PRR5L: variants seen among roughly 807,000 people sequenced by gnomAD.
PRR5L encodes proline rich 5 like, also known as proline-rich protein 5-like.
Under a neutral mutation model 36.4 loss-of-function variants are expected in PRR5L, and 21 were observed. The ratio of observed to expected loss-of-function variants is 0.58; its 90% CI spans 0.41 to 0.83. The LOEUF is 0.83. Among genes scored for constraint, PRR5L ranks in the 40% least tolerant of loss-of-function variants. The pLI, the probability that PRR5L is intolerant of heterozygous loss-of-function variation, is 0.00. For missense variants in PRR5L, 381 were observed against 473.3 expected (o/e 0.80, Z 1.81); for synonymous variants, 188 against 197.0 (o/e 0.95, Z 0.38).
At chr11:36,334,854 T>G (rs534231763) in intron 1 of PRR5L, among the ~76,000 whole-genome samples, 1 of 152,362 alleles carries the variant, frequency 6.6e-6, no homozygotes, top group African/African-American at 2.4e-5. Context: ...GAATCCATTA[T>G]ATATAATTCA....
At chr11:36,436,787 C>G (rs1858614594) in intron 5 of PRR5L, among the ~76,000 whole-genome samples, 1 of 152,162 alleles carries the variant, frequency 6.6e-6, no homozygotes, top group African/African-American at 2.4e-5. Context: ...AGTTAGTTGG[C>G]CTCTCTGAGC....
At chr11:36,442,330 G>T (rs1424905880) in intron 6 of PRR5L, among the ~76,000 whole-genome samples, 1 of 145,046 alleles carries the variant, frequency 6.9e-6, no homozygotes, top group Non-Finnish European at 1.5e-5. Context: ...CATCTTGAAT[G>T]CTTTGTTTCT....
intron 1 of PRR5L, among the ~76,000 whole-genome samples, chr11:36,313,406 C>G (rs1856523696): frequency 6.6e-6 from 1 of 152,142 alleles, no homozygotes; most frequent in African/African-American, 2.4e-5. Flanking sequence ...ATTCGGGGCT[C>G]AAAGAGTTAT....
chr11:36,345,509 GA>G (rs564892291), intron 1 of PRR5L, among the ~76,000 whole-genome samples: 3 of 150,250 alleles, frequency 2.0e-5, no homozygotes, highest in Non-Finnish European at 3.0e-5. Flanking sequence ...AATTCATGCA[GA>G]AAAAAAAACA....
chr11:36,412,042 T>C (rs997615628), intron 3 of PRR5L, among the ~76,000 whole-genome samples: 2 of 152,146 alleles, frequency 1.3e-5, no homozygotes, highest in Non-Finnish European at 2.9e-5. Context: ...AGTAATCCTG[T>C]GAAGTAGGTA....
chr11:36,352,433 G>A (rs1305483082), intron 1 of PRR5L, among the ~76,000 whole-genome samples: 1 of 152,094 alleles, frequency 6.6e-6, no homozygotes, highest in East Asian at 1.9e-4. Flanking sequence ...CTATGCAGAA[G>A]CTTTTTAGTT....
intron 1 of PRR5L, among the ~76,000 whole-genome samples, chr11:36,389,078 G>A (rs1284747248): frequency 2.0e-5 from 3 of 152,156 alleles, no homozygotes; most frequent in Non-Finnish European, 4.4e-5. Context: ...GTTCCCTGTT[G>A]GTGAGCACTT....
At position 36,401,194 on chromosome 11, in the gene PRR5L, C is replaced by T. The variant is rs762202439; in HGVS notation, c.73C>T (p.Arg25Cys). The T allele has an allele frequency of 1.9e-6, 3 of 1,614,120 alleles. No individual in the cohort carries two copies. Among genetic ancestry groups the T allele is most frequent in the Non-Finnish European group, 2.5e-6 (3 of 1,180,018 alleles). ...KMGSFRRPRP[R>C]FMSSPVLSDL... ...GGGCTCCTTCCGCAGGCCTAGACCG[C>T]GCTTCATGAGCTCCCCCGTGCTCAG... is the stretch of plus-strand genomic sequence containing the variant. The change falls in exon 2 of 9, where the codon CGC becomes TGC. Residue 25 changes from arginine (R) to cysteine (C), a missense_variant. Physicochemically the swap from Arg to Cys is radical, Grantham distance 180. Transcript: ENST00000530639.
chr11:36,335,465 G>T (rs529669256), intron 1 of PRR5L, among the ~76,000 whole-genome samples: 6 of 152,238 alleles, frequency 3.9e-5, no homozygotes, highest in African/African-American at 1.4e-4. Flanking sequence ...TTGTGGAAAT[G>T]AAAGTTACTG....
rs374128436 is a variant in PRR5L at position 36,319,760 on chromosome 11, T to C, written c.-126+23322T>C. ...CAACTGAAAAAGGCCTTAAGTGTTA[T>C]AGGTTCTTAGGTTGTGGACAATGGA... On this transcript the variant is annotated intron_variant, in intron 1 of 8. Coordinates refer to ENST00000530639, the MANE Select transcript of PRR5L (RefSeq NM_001160167.2). 3.9e-5 allele frequency among the ~76,000 whole-genome samples: 6 copies of C among 151,966 alleles called. 1 individual carries two copies. The highest frequency in any genetic ancestry group is 6.6e-5 in the Admixed American group (1 of 15,258).
At chr11:36,370,901 G>T (rs77437095) in intron 1 of PRR5L, among the ~76,000 whole-genome samples, 25 of 117,820 alleles carry the variant, frequency 2.1e-4, no homozygotes, top group Non-Finnish European at 3.9e-4. Context: ...ACAAACAAAA[G>T]AAAGCAAACA....
At chr11:36,383,898 G>C (rs940631150) in intron 1 of PRR5L, among the ~76,000 whole-genome samples, 9 of 151,956 alleles carry the variant, frequency 5.9e-5, no homozygotes, top group Admixed American at 5.9e-4. Flanking sequence ...GTTTCACCAG[G>C]TTGGCCAGGC....
chr11:36,356,175 A>G (rs866396943), intron 1 of PRR5L, among the ~76,000 whole-genome samples: 7 of 151,856 alleles, frequency 4.6e-5, no homozygotes, highest in Non-Finnish European at 1.0e-4. Flanking sequence ...GCCTCCTAAA[A>G]TGCTGGAATT....
chr11:36,397,178 C>T (rs1857680167), intron 1 of PRR5L, among the ~76,000 whole-genome samples: 1 of 151,322 alleles, frequency 6.6e-6, no homozygotes, highest in African/African-American at 2.4e-5. Flanking sequence ...AGCGATTCTC[C>T]TGTCTCAGCC....
At chr11:36,318,356 C>A (rs1014341208) in intron 1 of PRR5L, among the ~76,000 whole-genome samples, 4 of 152,134 alleles carry the variant, frequency 2.6e-5, no homozygotes, top group African/African-American at 9.7e-5. Flanking sequence ...TTATTTGGTA[C>A]TATTTACACC....
In PRR5L at chr11:36,437,487, T is replaced by C. The variant is rs111952286; in HGVS notation, c.444+11T>C. On this transcript the variant is annotated intron_variant, in intron 6 of 8. Coordinates refer to ENST00000530639, the MANE Select transcript of PRR5L (RefSeq NM_001160167.2). The stretch of plus-strand genomic sequence containing the variant: ...TTTTATCCAGTTCAGGTTAGTCTCA[T>C]TGGGGAACACTTCCTGCCATCCTCA... 3.2e-4 allele frequency: 487 copies of C among 1,512,236 alleles called. 3 individuals are homozygous for C. The African/African-American group carries it at 4.8e-3, about 15-fold the overall frequency. The allele number at this position is 1,512,236 out of a possible 1,614,324, so 93.7% of individuals were successfully genotyped here.
intron 1 of PRR5L, among the ~76,000 whole-genome samples, chr11:36,356,454 G>T (rs541098817): frequency 1.4e-3 from 210 of 152,272 alleles, no homozygotes; most frequent in Non-Finnish European, 2.1e-3. Flanking sequence ...AGGGTTTACA[G>T]GCATACCTTG....
At chr11:36,390,916 G>A (rs940054408) in intron 1 of PRR5L, among the ~76,000 whole-genome samples, 6 of 152,218 alleles carry the variant, frequency 3.9e-5, no homozygotes, top group Admixed American at 3.9e-4. Context: ...GAATGGATCA[G>A]TTGAGTTTGA....
chr11:36,350,938 T>A lies in PRR5L; in HGVS notation c.-125-50059T>A, dbSNP rs868069192. On this transcript the variant is annotated intron_variant, in intron 1 of 8. Coordinates refer to ENST00000530639, the MANE Select transcript of PRR5L (RefSeq NM_001160167.2). ...TATATATTTATATATATTTATATAT[T>A]TATATATATATATTTATATATATTT... 2.1e-4 allele frequency among the ~76,000 whole-genome samples: 6 copies of A among 28,382 alleles called. 1 individual carries two copies. Among genetic ancestry groups the A allele is most frequent in the African/African-American group, 1.1e-3 (6 of 5,274 alleles). The allele number at this position is 28,382 out of a possible 152,430, so 18.6% of individuals were successfully genotyped here. A position where few individuals can be genotyped will look rare whatever the true frequency, so the allele number is the denominator to read the frequency against.
Sources: allele counts gnomAD v4.1 joint callset (sites outside exome capture counted in the v4.1 genomes callset), GRCh38; gene constraint gnomAD v4.1.1; transcripts MANE v1.5; gene names NCBI Gene and HGNC (gene_info 2026-07-23, HGNC 2026-07-21).